CAPZA2: variants seen among roughly 807,000 people sequenced by gnomAD.
CAPZA2 encodes F-actin-capping protein subunit alpha-2.
CAPZA2 carries 13 observed loss-of-function variants against 44.0 expected under a neutral mutation model. The observed-to-expected ratio is 0.30, with a 90% CI of 0.19 to 0.47. The LOEUF is 0.47. Ranked by LOEUF, CAPZA2 falls within the 20% of genes least tolerant of loss-of-function variation. The probability of loss-of-function intolerance (pLI) is 1.00; values close to 1 mark genes in which losing one functional copy is unlikely to be tolerated. For synonymous variants in CAPZA2, 94 were observed against 108.2 expected, an observed-to-expected ratio of 0.87 and a Z score of 0.81; for missense variants, 244 against 338.6, an observed-to-expected ratio of 0.72 and a Z score of 2.19.
At chr7:116,875,741 T>TA (rs1203623387) in intron 1 of CAPZA2, 6 of 151,448 alleles carry the variant, frequency 4.0e-5, no homozygotes, top group Non-Finnish European at 8.8e-5. Flanking sequence ...TTTTTGTAGA[T>TA]ACAGGATCTC....
At chr7:116,915,914 G>T in intron 8 of CAPZA2, 146 bp from the exon 9 acceptor site, 1 of 550,570 alleles carries the variant, frequency 1.8e-6, no homozygotes, top group Non-Finnish European at 2.9e-6. Flanking sequence ...CTTAGACTTA[G>T]AATAATTGAT....
Position 116,917,716 on chromosome 7 carries a change from G to GT in CAPZA2, c.721-6dup, listed in dbSNP as rs760683875. 1.3e-6 allele frequency: 2 copies of GT among 1,586,590 alleles called. No individual in the cohort carries two copies. The highest frequency in any genetic ancestry group is 2.2e-5 in the South Asian group (2 of 90,522). ...GCTTTACTTTAAACTTCTAACTATTGTTTTTCATAGACTGCCATCAGTGAG... is the reference window on the plus strand; with the variant it reads ...GCTTTACTTTAAACTTCTAACTATTGTTTTTTCATAGACTGCCATCAGTGAG... On this transcript the variant is annotated splice_polypyrimidine_tract_variant and intron_variant, in intron 9 of 9. Coordinates refer to ENST00000361183, the MANE Select transcript of CAPZA2 (RefSeq NM_006136.3).
chr7:116,870,218 A>G (rs1203317539), intron 1 of CAPZA2, among the ~76,000 whole-genome samples: 2 of 152,216 alleles, frequency 1.3e-5, no homozygotes, highest in African/African-American at 2.4e-5. Context: ...GGAATTGGAC[A>G]TATGTAATAT....
chr7:116,868,026 T>G (rs541980645), intron 1 of CAPZA2, among the ~76,000 whole-genome samples: 2 of 152,216 alleles, frequency 1.3e-5, no homozygotes, highest in Non-Finnish European at 2.9e-5. Context: ...AAGCGCACAA[T>G]AAATGGTAGT....
intron 1 of CAPZA2, chr7:116,874,155 T>C (rs1796589527): frequency 6.4e-6 from 1 of 156,698 alleles, no homozygotes; most frequent in Admixed American, 6.5e-5. Context: ...TTCATCAGGG[T>C]ATCCCATAAT....
chr7:116,909,162 T>C (rs897031121), intron 6 of CAPZA2, among the ~76,000 whole-genome samples: 15 of 152,282 alleles, frequency 9.9e-5, no homozygotes, highest in Admixed American at 2.0e-4. Flanking sequence ...ACTCAACTTG[T>C]ACTATCATTC....
chr7:116,914,428 TACATACACAC>T (rs1041189189), intron 8 of CAPZA2, among the ~76,000 whole-genome samples: 1 of 114,280 alleles, frequency 8.8e-6, no homozygotes, highest in Non-Finnish European at 1.8e-5. Context: ...TACATATACA[TACATACACAC>T]ACACACACAC....
At chr7:116,897,706 CTT>C (rs1179807395) in intron 3 of CAPZA2, among the ~76,000 whole-genome samples, 5 of 152,100 alleles carry the variant, frequency 3.3e-5, no homozygotes, top group African/African-American at 7.2e-5. Flanking sequence ...ATTTTATACT[CTT>C]GAGAATTTTT....
At chr7:116,878,525 A>G (rs911872708) in intron 1 of CAPZA2, among the ~76,000 whole-genome samples, 3 of 152,232 alleles carry the variant, frequency 2.0e-5, no homozygotes, top group African/African-American at 7.2e-5. Flanking sequence ...TGAGGTTTAC[A>G]GAAGTTAAAA....
chr7:116,899,614 CATT>C (rs1486175869), intron 4 of CAPZA2, among the ~76,000 whole-genome samples: 3 of 148,628 alleles, frequency 2.0e-5, no homozygotes, highest in African/African-American at 7.4e-5. Flanking sequence ...TGTAGAGTGT[CATT>C]GTATTAATCT....
Position 116,918,111 on chromosome 7 carries a change from A to T in CAPZA2, c.*244A>T, listed in dbSNP as rs566979467. The T allele has an allele frequency of 2.9e-6, 1 of 340,900 alleles. No homozygotes were observed. The highest frequency in any genetic ancestry group is 4.2e-5 in the Admixed American group (1 of 23,558). The allele number at this position is 340,900 out of a possible 1,614,324, so 21.1% of individuals were successfully genotyped here. On this transcript the variant is annotated 3_prime_UTR_variant, in exon 10 of 10. Coordinates refer to ENST00000361183, the MANE Select transcript of CAPZA2 (RefSeq NM_006136.3). ...TTCTGTTAGGCCTTTCTTTCTTACA[A>T]TGAAGAGATGATTCTTCTAGTTTAT...
In CAPZA2 at chr7:116,918,490, A is replaced by G. The variant is rs911718862; in HGVS notation, c.*623A>G. 2 of 152,650 alleles carry G rather than the reference A, an allele frequency of 1.3e-5. No individual in the cohort carries two copies. Among genetic ancestry groups the G allele is most frequent in the African/African-American group, 4.8e-5 (2 of 41,456 alleles). 9.5% of individuals were successfully genotyped at this position (152,650 alleles called of 1,614,324 possible). A position where few individuals can be genotyped will look rare whatever the true frequency, so the allele number is the denominator to read the frequency against. ...TCTAATGCTGTTTTGAGATTCTGAA[A>G]TTAATGAAAATACTTATTTCAGAAA... On this transcript the variant is annotated 3_prime_UTR_variant, in exon 10 of 10. Coordinates refer to ENST00000361183, the MANE Select transcript of CAPZA2 (RefSeq NM_006136.3).
intron 2 of CAPZA2, 111 bp from the exon 3 acceptor site, chr7:116,892,883 C>A (rs1796867889): frequency 4.7e-6 from 2 of 427,346 alleles, no homozygotes; most frequent in Non-Finnish European, 4.1e-6. Context: ...ATATTTTGAT[C>A]TTGCTTGTGT....
In CAPZA2 at chr7:116,890,523, AAAATATATATATATATATAT is replaced by A. The variant is rs1432193611; in HGVS notation, c.103+2335_103+2354del. On this transcript the variant is annotated intron_variant, in intron 2 of 9. Coordinates refer to ENST00000361183, the MANE Select transcript of CAPZA2 (RefSeq NM_006136.3). The stretch of plus-strand genomic sequence containing the variant: ...CTGTCTCTACTTAAAAAAAAAAAAA[AAAATATATATATATATATAT>A]ATATATATATATATATATATATATA... Among the ~76,000 whole-genome samples the A allele has an allele frequency of 2.9e-4, 11 of 38,568 alleles. No individual in the cohort carries two copies. In the East Asian group the frequency reaches 8.9e-3, roughly 31 times the overall value. 25.3% of individuals were successfully genotyped at this position (38,568 alleles called of 152,430 possible).
rs1791713643 is a variant in CAPZA2 at position 116,918,410 on chromosome 7, G to C, written c.*543G>C. 1 of 152,828 alleles carries C rather than the reference G, an allele frequency of 6.5e-6. No individual in the cohort carries two copies. The highest frequency in any genetic ancestry group is 1.5e-5 in the Non-Finnish European group (1 of 68,172). 9.5% of individuals were successfully genotyped at this position (152,828 alleles called of 1,614,324 possible). Reference sequence around the variant, plus strand: ...TATCAATTGTGTTTAAACCTTTCAAGAAGGTTATTTAGCTAGCTTAGTGTT... The same window carrying C: ...TATCAATTGTGTTTAAACCTTTCAACAAGGTTATTTAGCTAGCTTAGTGTT... On this transcript the variant is annotated 3_prime_UTR_variant, in exon 10 of 10. Transcript: ENST00000361183.
chr7:116,900,344 T>C (rs888262102), intron 4 of CAPZA2, among the ~76,000 whole-genome samples: 3 of 151,624 alleles, frequency 2.0e-5, no homozygotes, highest in Non-Finnish European at 3.0e-5. Flanking sequence ...AGAAAACTTA[T>C]TTGTGACATG....
intron 1 of CAPZA2, among the ~76,000 whole-genome samples, chr7:116,877,046 A>T (rs145200419): frequency 1.3e-5 from 2 of 152,168 alleles, no homozygotes; most frequent in African/African-American, 2.4e-5. Context: ...TCCCTGTGAT[A>T]AAAGATTGTT....
intron 1 of CAPZA2, among the ~76,000 whole-genome samples, chr7:116,878,066 T>C (rs1369521318): frequency 6.6e-6 from 1 of 152,234 alleles, no homozygotes; most frequent in Non-Finnish European, 1.5e-5. Context: ...AATAATTTTA[T>C]CAGAACAGAA....
chr7:116,888,966 A>G (rs1298007833), intron 2 of CAPZA2, among the ~76,000 whole-genome samples: 1 of 152,230 alleles, frequency 6.6e-6, no homozygotes, highest in Non-Finnish European at 1.5e-5. Context: ...AAAAGGGAAA[A>G]AACATTTTCA....
Sources: allele counts gnomAD v4.1 joint callset (sites outside exome capture counted in the v4.1 genomes callset), GRCh38; gene constraint gnomAD v4.1.1; transcripts MANE v1.5; gene names NCBI Gene and HGNC (gene_info 2026-07-23, HGNC 2026-07-21).